CYTH1: variants seen among roughly 807,000 people sequenced by gnomAD.
CYTH1 encodes cytohesin-1.
Under a neutral mutation model 61.8 loss-of-function variants are expected in CYTH1, and 18 were observed. The observed-to-expected ratio is 0.29, with a 90% CI of 0.20 to 0.43. The LOEUF is 0.43. CYTH1 is among the 20% of genes least tolerant of loss of function. The pLI, the probability that CYTH1 is intolerant of heterozygous loss-of-function variation, is 1.00. For synonymous variants in CYTH1, 174 were observed against 184.3 expected, an observed-to-expected ratio of 0.94 and a Z score of 0.45; for missense variants, 336 against 510.5, an observed-to-expected ratio of 0.66 and a Z score of 3.29.
chr17:78,708,799 C>T (rs542434505), intron 2 of CYTH1: 13 of 154,726 alleles, frequency 8.4e-5, no homozygotes, highest in East Asian at 1.9e-4. Context: ...TGGGCTCTCA[C>T]GGGGAAGTGG....
chr17:78,689,931 A>G (rs1015712548), intron 11 of CYTH1, among the ~76,000 whole-genome samples: 4 of 151,828 alleles, frequency 2.6e-5, no homozygotes, highest in African/African-American at 9.7e-5. Flanking sequence ...AACCCTGCAC[A>G]CTGCTCCTGA....
Position 78,730,369 on chromosome 17 carries a change from C to CAAA in CYTH1, c.23-20640_23-20638dup, listed in dbSNP as rs56790957. ...TGAAACCCCATCTCTACTAAAAATA[C>CAAA]AAAAAAAAAAAAAAAAAAAATTAGC... On this transcript the variant is annotated intron_variant, in intron 1 of 13. Coordinates refer to ENST00000446868, the MANE Select transcript of CYTH1 (RefSeq NM_004762.6). Among the ~76,000 whole-genome samples the CAAA allele has an allele frequency of 1.2e-3, 111 of 95,350 alleles. 1 individual carries two copies. The highest frequency in any genetic ancestry group is 5.4e-3 in the South Asian group (14 of 2,570). The allele number at this position is 95,350 out of a possible 152,430, so 62.6% of individuals were successfully genotyped here.
At position 78,729,340 on chromosome 17, in the gene CYTH1, A is replaced by G. The variant is rs541377564; in HGVS notation, c.23-19608T>C. ...TAAAGCAAAGATGAATACAATGAGCAAAGGATATAAAAGACAGATTACAAA... is the reference window on the plus strand; with the variant it reads ...TAAAGCAAAGATGAATACAATGAGCGAAGGATATAAAAGACAGATTACAAA... On this transcript the variant is annotated intron_variant, in intron 1 of 13. Transcript: ENST00000446868. Among the ~76,000 whole-genome samples the G allele has an allele frequency of 6.6e-5, 10 of 152,364 alleles. No individual in the cohort carries two copies. In the East Asian group the frequency reaches 1.7e-3, roughly 26 times the overall value.
chr17:78,763,159 C>T (rs2093435285), intron 1 of CYTH1, among the ~76,000 whole-genome samples: 1 of 152,040 alleles, frequency 6.6e-6, no homozygotes, highest in African/African-American at 2.4e-5. Context: ...GCCTGGCCAA[C>T]GTGGTAAAAC....
chr17:78,728,439 G>A (rs757057513), intron 1 of CYTH1, among the ~76,000 whole-genome samples: 2 of 151,982 alleles, frequency 1.3e-5, no homozygotes, highest in African/African-American at 2.4e-5. Context: ...CTGCTACTTG[G>A]GAGGCTGGTA....
rs552202520 is a variant in CYTH1, at chr17:78,757,911, C to CA, written c.22+24290dup. 5.7e-3 allele frequency among the ~76,000 whole-genome samples: 783 copies of CA among 136,918 alleles called. 6 individuals carry two copies. The highest frequency in any genetic ancestry group is 0.019 in the African/African-American group (699 of 36,894). The allele number at this position is 136,918 out of a possible 152,430, so 89.8% of individuals were successfully genotyped here. On this transcript the variant is annotated intron_variant, in intron 1 of 13. Transcript: ENST00000446868. Reference sequence around the variant, plus strand: ...TGGGTGACAGAGCAAGACTCTGCCTCAAAAAAAAAAATTCAAAAAAAAGTT... The same window carrying CA: ...TGGGTGACAGAGCAAGACTCTGCCTCAAAAAAAAAAAATTCAAAAAAAAGTT...
chr17:78,709,491 A>C, intron 2 of CYTH1, 159 bp downstream of exon 2: 1 of 664,300 alleles, frequency 1.5e-6, no homozygotes, highest in East Asian at 2.7e-5. Context: ...GCTGTAGAGG[A>C]AAGGTGACTG....
intron 1 of CYTH1, among the ~76,000 whole-genome samples, chr17:78,710,462 C>T (rs1053482726): frequency 1.3e-5 from 2 of 152,188 alleles, no homozygotes; most frequent in Non-Finnish European, 2.9e-5. Context: ...TCAATCTCCC[C>T]CACCTATACC....
intron 3 of CYTH1, among the ~76,000 whole-genome samples, chr17:78,702,809 C>T (rs369261733): frequency 6.6e-6 from 1 of 152,166 alleles, no homozygotes; most frequent in African/African-American, 2.4e-5. Flanking sequence ...GCTCCTTCTA[C>T]CCTGGAACAG....
intron 1 of CYTH1, among the ~76,000 whole-genome samples, chr17:78,777,335 G>T (rs1192711921): frequency 6.6e-6 from 1 of 150,836 alleles, no homozygotes; most frequent in African/African-American, 2.4e-5. Flanking sequence ...AGGAGATGGT[G>T]TGAACCCAGG....
Position 78,711,310 on chromosome 17 carries a change from T to TACAC in CYTH1, c.23-1579_23-1578insGTGT, listed in dbSNP as rs1390507304. On this transcript the variant is annotated intron_variant, in intron 1 of 13. Transcript: ENST00000446868. Reference sequence around the variant, plus strand: ...TAAATAAATAAATAAATAATATATATATATACACACACACACACACACACA... The same window carrying TACAC: ...TAAATAAATAAATAAATAATATATATACACATATACACACACACACACACACACA... Among the ~76,000 whole-genome samples, 23 of 143,748 alleles carry TACAC rather than the reference T, an allele frequency of 1.6e-4. No homozygotes were observed. In the East Asian group the frequency reaches 1.8e-3, roughly 11 times the overall value. 94.3% of individuals were successfully genotyped at this position (143,748 alleles called of 152,430 possible). A position where few individuals can be genotyped will look rare whatever the true frequency, so the allele number is the denominator to read the frequency against.
intron 1 of CYTH1, among the ~76,000 whole-genome samples, chr17:78,747,887 T>C (rs1403302703): frequency 6.6e-6 from 1 of 152,240 alleles, no homozygotes; most frequent in Non-Finnish European, 1.5e-5. Context: ...TCTTTAAAAC[T>C]ATATCTATGT....
At chr17:78,703,192 T>C (rs1290624844) in intron 3 of CYTH1, among the ~76,000 whole-genome samples, 1 of 151,654 alleles carries the variant, frequency 6.6e-6, no homozygotes, top group East Asian at 1.9e-4. Context: ...GGTGGGTGGA[T>C]CACAAGGTCA....
At chr17:78,737,969 C>T (rs372794007) in intron 1 of CYTH1, among the ~76,000 whole-genome samples, 55 of 151,938 alleles carry the variant, frequency 3.6e-4, no homozygotes, top group East Asian at 2.5e-3. Flanking sequence ...TGTAAATGGA[C>T]ATCTATCACA....
chr17:78,694,280 G>T (rs1009407407), intron 10 of CYTH1, among the ~76,000 whole-genome samples: 22 of 152,208 alleles, frequency 1.4e-4, no homozygotes, highest in Admixed American at 1.4e-3. Context: ...TTATGCGAGG[G>T]AATTTGCTGT....
chr17:78,747,531 T>C (rs1230467452), intron 1 of CYTH1, among the ~76,000 whole-genome samples: 2 of 152,112 alleles, frequency 1.3e-5, no homozygotes, highest in African/African-American at 2.4e-5. Context: ...TTCTAGAACA[T>C]TTTCATCATC....
intron 13 of CYTH1, chr17:78,676,871 C>T: frequency 2.5e-6 from 1 of 396,690 alleles, no homozygotes. Context: ...CCATTCTCGA[C>T]TTTCAAGCAA....
At chr17:78,702,411 T>C in intron 4 of CYTH1, 127 bp downstream of exon 4, 3 of 1,105,226 alleles carry the variant, frequency 2.7e-6, no homozygotes, top group South Asian at 1.4e-5. Flanking sequence ...GCTTAGTGCA[T>C]AACATTTGCT....
chr17:78,685,622 C>T (rs972012310), intron 11 of CYTH1, among the ~76,000 whole-genome samples: 3 of 152,114 alleles, frequency 2.0e-5, no homozygotes, highest in Non-Finnish European at 4.4e-5. Flanking sequence ...AGTATTAGTT[C>T]TGTATTTAAA....
Sources: gnomAD v4.1 joint callset for allele counts (sites outside exome capture counted in the v4.1 genomes callset) on GRCh38, gnomAD v4.1.1 for gene constraint, MANE v1.5 for transcripts, NCBI Gene and HGNC (gene_info 2026-07-23, HGNC 2026-07-21) for gene names.